Variants in NCOA7 observed in about 807,000 individuals in gnomAD.
NCOA7 encodes nuclear receptor coactivator 7.
A neutral mutation model predicts 104.3 loss-of-function variants in NCOA7; 45 were observed. The observed-to-expected ratio is 0.43, with a 90% CI of 0.34 to 0.55. The LOEUF (loss-of-function observed/expected upper bound fraction) is 0.55, where lower values mean the gene tolerates loss of function less well. Ranked by LOEUF, NCOA7 falls within the 20% of genes least tolerant of loss-of-function variation. NCOA7 has a pLI of 0.02. For synonymous variants in NCOA7, 398 were observed against 402.3 expected (o/e 0.99, Z 0.13); for missense variants, 1,041 against 1,119.7 (o/e 0.93, Z 1.00).
chr6:125,786,573 C>CT (rs148199881), upstream of NCOA7, among the ~76,000 whole-genome samples: 330 of 121,058 alleles, frequency 2.7e-3, no homozygotes, highest in South Asian at 0.014. Context: ...TAATCATTGT[C>CT]TTTTTTTTTT....
intron 2 of NCOA7, among the ~76,000 whole-genome samples, chr6:125,845,587 A>G (rs1780532530): frequency 6.6e-6 from 1 of 152,166 alleles, no homozygotes; most frequent in Non-Finnish European, 1.5e-5. Context: ...CATCCTGGTC[A>G]ACATGGTGAA....
intron 7 of NCOA7, among the ~76,000 whole-genome samples, chr6:125,884,789 T>C (rs1453002894): frequency 6.6e-6 from 1 of 152,216 alleles, no homozygotes; most frequent in Non-Finnish European, 1.5e-5. Flanking sequence ...TAAAGCCCTG[T>C]ATTCTCGATC....
intron 1 of NCOA7, among the ~76,000 whole-genome samples, chr6:125,804,004 A>G (rs987929674): frequency 6.6e-6 from 1 of 151,964 alleles, no homozygotes; most frequent in Non-Finnish European, 1.5e-5. Context: ...ACCAGGACAC[A>G]TGCATCCATG....
chr6:125,867,342 G>C (rs17053621), intron 3 of NCOA7, among the ~76,000 whole-genome samples: 36,780 of 152,144 alleles, frequency 0.24, 5,047 homozygotes, highest in African/African-American at 0.39. Flanking sequence ...CTAGATTTCA[G>C]AACCAAGTTG....
intron 2 of NCOA7, among the ~76,000 whole-genome samples, chr6:125,829,727 C>G (rs1288812542): frequency 6.6e-6 from 1 of 151,926 alleles, no homozygotes; most frequent in Admixed American, 6.6e-5. Flanking sequence ...ATAGTCATAT[C>G]ATATGAGGAA....
At chr6:125,848,657 G>A (rs1046493206) in intron 2 of NCOA7, among the ~76,000 whole-genome samples, 1 of 152,078 alleles carries the variant, frequency 6.6e-6, no homozygotes, top group African/African-American at 2.4e-5. Flanking sequence ...TCGGGGGGTG[G>A]TGGTTGGGGG....
chr6:125,854,597 T>C (rs1053590490), intron 2 of NCOA7, among the ~76,000 whole-genome samples: 2 of 152,210 alleles, frequency 1.3e-5, no homozygotes, highest in Non-Finnish European at 2.9e-5. Flanking sequence ...AGGACTTGTT[T>C]TTACAAATGT....
chr6:125,846,626 C>G (rs866735226), intron 2 of NCOA7, among the ~76,000 whole-genome samples: 1 of 152,126 alleles, frequency 6.6e-6, no homozygotes, highest in Non-Finnish European at 1.5e-5. Context: ...TTTCAGGCCC[C>G]CACATAGTTT....
chr6:125,794,507 A>G (rs1775126769), intron 1 of NCOA7, among the ~76,000 whole-genome samples: 1 of 152,036 alleles, frequency 6.6e-6, no homozygotes, highest in South Asian at 2.1e-4. Context: ...ATACTTTTCC[A>G]TTTGATTGAA....
chr6:125,808,361 C>T (rs1776653717), intron 1 of NCOA7, among the ~76,000 whole-genome samples: 1 of 152,172 alleles, frequency 6.6e-6, no homozygotes, highest in Non-Finnish European at 1.5e-5. Context: ...TCCTTGTGAC[C>T]ACTAGTATCA....
At chr6:125,791,371 G>A (rs1774841987) in intron 1 of NCOA7, among the ~76,000 whole-genome samples, 1 of 152,222 alleles carries the variant, frequency 6.6e-6, no homozygotes, top group African/African-American at 2.4e-5. Context: ...GGCTTATTTG[G>A]GGAGAAGACC....
intron 3 of NCOA7, among the ~76,000 whole-genome samples, chr6:125,868,799 G>C (rs1203282405): frequency 1.3e-5 from 2 of 152,190 alleles, no homozygotes; most frequent in Admixed American, 6.5e-5. Flanking sequence ...TCATTTGGAT[G>C]TCATAGAAAC....
At chr6:125,785,796 G>T (rs1335165699) in intron 1 of NCOA7, among the ~76,000 whole-genome samples, 2 of 152,132 alleles carry the variant, frequency 1.3e-5, no homozygotes, top group African/African-American at 4.8e-5. Context: ...AAAAGAAAAG[G>T]AAAAATTTAT....
chr6:125,806,473 G>A (rs1373613907), intron 1 of NCOA7, among the ~76,000 whole-genome samples: 5 of 152,104 alleles, frequency 3.3e-5, no homozygotes, highest in African/African-American at 1.2e-4. Flanking sequence ...CGGCTTTAAG[G>A]GAATTTTTGA....
chr6:125,840,738 TG>T (rs1780045232), intron 2 of NCOA7, among the ~76,000 whole-genome samples: 1 of 151,738 alleles, frequency 6.6e-6, no homozygotes, highest in Non-Finnish European at 1.5e-5. Flanking sequence ...TTGAAACTCC[TG>T]GGCTCAAGCA....
intron 6 of NCOA7, among the ~76,000 whole-genome samples, chr6:125,881,741 A>G (rs1024077442): frequency 2.7e-5 from 4 of 150,164 alleles, no homozygotes; most frequent in African/African-American, 9.8e-5. Flanking sequence ...TTCCAGTGAC[A>G]TGGATAGTTT....
chr6:125,786,165 C>T (rs1014413738), upstream of NCOA7: 8 of 152,180 alleles, frequency 5.3e-5, no homozygotes, highest in African/African-American at 1.9e-4. Context: ...TATCCCTCCA[C>T]ACATGATCAT....
At position 125,930,196 on chromosome 6, in the gene NCOA7, A is replaced by G. The variant is rs1197464802; in HGVS notation, c.*1425A>G. 6.6e-6 allele frequency: 1 copy of G among 152,142 alleles called. No individual in the cohort carries two copies. Among genetic ancestry groups the G allele is most frequent in the African/African-American group, 2.4e-5 (1 of 41,410 alleles). The allele number at this position is 152,142 out of a possible 1,614,324, so 9.4% of individuals were successfully genotyped here. On this transcript the variant is annotated 3_prime_UTR_variant, in exon 16 of 16. Coordinates refer to ENST00000392477, the MANE Select transcript of NCOA7 (RefSeq NM_181782.5). ...AACATGGTGAAACCCCATCTCTACTAAAAGTACAAATATTAGCCGACTATG... is the reference window on the plus strand; with the variant it reads ...AACATGGTGAAACCCCATCTCTACTGAAAGTACAAATATTAGCCGACTATG...
intron 10 of NCOA7, among the ~76,000 whole-genome samples, chr6:125,897,777 T>C (rs1219432676): frequency 6.6e-6 from 1 of 152,174 alleles, no homozygotes; most frequent in African/African-American, 2.4e-5. Flanking sequence ...TCTCCTGGCT[T>C]CAAGCAATTC....
Sources: gnomAD v4.1 joint callset for allele counts (sites outside exome capture counted in the v4.1 genomes callset) on GRCh38, gnomAD v4.1.1 for gene constraint, MANE v1.5 for transcripts, NCBI Gene and HGNC (gene_info 2026-07-23, HGNC 2026-07-21) for gene names.